The following SCOC variants were observed in gnomAD, a reference collection of about 807,000 sequenced individuals.
The protein encoded by SCOC is short coiled-coil protein.
SCOC carries 7 observed loss-of-function variants against 9.9 expected under a neutral mutation model. The observed-to-expected ratio is 0.71, with a 90% CI of 0.40 to 1.33. The LOEUF (loss-of-function observed/expected upper bound fraction) is 1.33, where lower values mean the gene tolerates loss of function less well. Ranked by LOEUF, SCOC falls within the 40% of genes most tolerant of loss-of-function variation. The pLI, the probability that SCOC is intolerant of heterozygous loss-of-function variation, is 0.01. For synonymous variants in SCOC, 19 were observed against 28.2 expected (o/e 0.67, Z 1.03); for missense variants, 66 against 89.7 (o/e 0.74, Z 1.07).
chr4:140,316,061 A>G (rs1021112348), intron 1 of SCOC, among the ~76,000 whole-genome samples: 7 of 152,206 alleles, frequency 4.6e-5, no homozygotes, highest in Non-Finnish European at 8.8e-5. Context: ...CCATCCCCCA[A>G]TGAGGCCTCA....
At chr4:140,301,489 CA>C (rs1457840026) in intron 1 of SCOC, among the ~76,000 whole-genome samples, 1 of 152,200 alleles carries the variant, frequency 6.6e-6, no homozygotes, top group African/African-American at 2.4e-5. Context: ...CTCTTAATTG[CA>C]GTATTCACCC....
intron 1 of SCOC, among the ~76,000 whole-genome samples, chr4:140,261,851 T>C (rs528739315): frequency 6.6e-6 from 1 of 151,268 alleles, no homozygotes; most frequent in South Asian, 2.1e-4. Flanking sequence ...CAGCAAGGAG[T>C]TAGAGAATGT....
At chr4:140,330,289 C>A (rs1195368394) in intron 1 of SCOC, among the ~76,000 whole-genome samples, 1 of 152,060 alleles carries the variant, frequency 6.6e-6, no homozygotes, top group Admixed American at 6.5e-5. Flanking sequence ...ACTTTGCGGA[C>A]TTGGGAGAAA....
intron 2 of SCOC, among the ~76,000 whole-genome samples, chr4:140,362,356 T>A (rs1436989747): frequency 8.2e-6 from 1 of 121,420 alleles, no homozygotes; most frequent in Non-Finnish European, 1.7e-5. Context: ...AGTGCAGTAG[T>A]GTGATCTTGG....
At chr4:140,373,897 AC>A in intron 1 of SCOC, 180 bp downstream of exon 1, 1 of 736,512 alleles carries the variant, frequency 1.4e-6, no homozygotes. Context: ...TCCCGGCAGA[AC>A]CCTTGCGCGA....
chr4:140,262,406 C>T (rs959673954), intron 1 of SCOC, among the ~76,000 whole-genome samples: 23 of 152,274 alleles, frequency 1.5e-4, no homozygotes, highest in African/African-American at 5.3e-4. Flanking sequence ...GCTCTCAGGG[C>T]TTTGAAGGAC....
intron 1 of SCOC, among the ~76,000 whole-genome samples, chr4:140,279,117 A>ACAGG (rs1487745606): frequency 6.6e-6 from 1 of 151,874 alleles, no homozygotes; most frequent in Non-Finnish European, 1.5e-5. Context: ...GCTTCTCACC[A>ACAGG]CAGGGCCTTT....
chr4:140,258,448 A>G (rs1395637545), intron 1 of SCOC, among the ~76,000 whole-genome samples: 1 of 152,132 alleles, frequency 6.6e-6, no homozygotes, highest in African/African-American at 2.4e-5. Flanking sequence ...ATTAAGGGTT[A>G]CCCTAAGACA....
At chr4:140,279,789 T>TC (rs1731059808) in intron 1 of SCOC, among the ~76,000 whole-genome samples, 1 of 152,110 alleles carries the variant, frequency 6.6e-6, no homozygotes, top group African/African-American at 2.4e-5. Context: ...TTATATTTTT[T>TC]TCTCTCTCTC....
intron 2 of SCOC, among the ~76,000 whole-genome samples, chr4:140,355,211 T>TATATATATATATATA: frequency 1.6e-5 from 1 of 61,396 alleles, no homozygotes; most frequent in South Asian, 3.6e-4. Context: ...CATTATATTT[T>TATATATATATATATA]TATATATATA....
intron 1 of SCOC, among the ~76,000 whole-genome samples, chr4:140,315,505 T>C (rs1365915467): frequency 1.3e-5 from 2 of 152,226 alleles, no homozygotes; most frequent in East Asian, 3.8e-4. Context: ...ACCAGTGTGC[T>C]ATACTAAAAG....
chr4:140,349,018 A>C (rs974017027), intron 2 of SCOC, among the ~76,000 whole-genome samples: 1 of 152,154 alleles, frequency 6.6e-6, no homozygotes, highest in African/African-American at 2.4e-5. Context: ...CTTTTGAGAA[A>C]CATCTATTTA....
intron 1 of SCOC, among the ~76,000 whole-genome samples, chr4:140,322,181 G>A (rs1412715944): frequency 6.6e-6 from 1 of 152,238 alleles, no homozygotes; most frequent in African/African-American, 2.4e-5. Context: ...ATTGGTACGA[G>A]AGGAGTGAGG....
chr4:140,280,936 G>A (rs1169364766), intron 1 of SCOC, among the ~76,000 whole-genome samples: 1 of 152,146 alleles, frequency 6.6e-6, no homozygotes, highest in African/African-American at 2.4e-5. Context: ...AAAGACGGAG[G>A]CAGATGGAGG....
chr4:140,283,299 A>G (rs1179477515), intron 1 of SCOC, among the ~76,000 whole-genome samples: 1 of 152,234 alleles, frequency 6.6e-6, no homozygotes, highest in Non-Finnish European at 1.5e-5. Flanking sequence ...TGCTCAATTG[A>G]TCAAAATGAT....
At chr4:140,342,165 C>T (rs17005780), upstream of SCOC, among the ~76,000 whole-genome samples, 318 of 152,250 alleles carry the variant, frequency 2.1e-3, 1 homozygote, top group African/African-American at 7.4e-3. Flanking sequence ...GTATCTCATA[C>T]TCTTGGTTTC....
intron 1 of SCOC, among the ~76,000 whole-genome samples, chr4:140,283,473 T>C (rs767311547): frequency 6.6e-5 from 10 of 152,202 alleles, no homozygotes; most frequent in African/African-American, 9.6e-5. Flanking sequence ...TTTTTTTAAA[T>C]GTCCTTCTGA....
intron 1 of SCOC, among the ~76,000 whole-genome samples, chr4:140,337,473 G>A (rs1452741208): frequency 6.6e-6 from 1 of 152,098 alleles, no homozygotes; most frequent in Non-Finnish European, 1.5e-5. Context: ...TGGCATAAAA[G>A]TAGATATATA....
chr4:140,289,007 CCA>C (rs1318396682), intron 1 of SCOC, among the ~76,000 whole-genome samples: 1 of 152,032 alleles, frequency 6.6e-6, no homozygotes, highest in African/African-American at 2.4e-5. Flanking sequence ...TCTTCCATGT[CCA>C]CACACATGAC....
Sources: gnomAD v4.1 joint callset for allele counts (sites outside exome capture counted in the v4.1 genomes callset) on GRCh38, gnomAD v4.1.1 for gene constraint, MANE v1.5 for transcripts, NCBI Gene and HGNC (gene_info 2026-07-23, HGNC 2026-07-21) for gene names.